The following HPSE2 variants were observed in gnomAD, a reference collection of about 807,000 sequenced individuals.
The protein encoded by HPSE2 is inactive heparanase-2.
In HPSE2, 38 loss-of-function variants were observed where a neutral mutation model predicts 60.5. The observed-to-expected ratio is 0.63, with a 90% CI of 0.48 to 0.82. The LOEUF is 0.82. HPSE2 is among the 40% of genes least tolerant of loss of function. HPSE2 has a pLI of 0.00. For missense variants in HPSE2, 713 were observed against 740.4 expected (o/e 0.96, Z 0.43); for synonymous variants, 295 against 293.2 (o/e 1.01, Z -0.06).
At chr10:98,728,841 C>T (rs1035460537) in intron 4 of HPSE2, among the ~76,000 whole-genome samples, 14 of 151,830 alleles carry the variant, frequency 9.2e-5, no homozygotes, top group Non-Finnish European at 1.8e-4. Flanking sequence ...AACCCCATGT[C>T]TACGAAAAAT....
chr10:98,473,213 G>A lies in HPSE2; in HGVS notation c.1613+9423C>T, dbSNP rs190307089. Among the ~76,000 whole-genome samples, 18 of 152,164 alleles carry A rather than the reference G, an allele frequency of 1.2e-4. No homozygotes were observed. The East Asian group carries it at 2.7e-3, about 23-fold the overall frequency. Reference sequence around the variant, plus strand: ...AGAAAATTGAAAGGTGGTCAGGCGCGGTGGCTCATGTCTATAGTCCTAGCA... The same window carrying A: ...AGAAAATTGAAAGGTGGTCAGGCGCAGTGGCTCATGTCTATAGTCCTAGCA... On this transcript the variant is annotated intron_variant, in intron 11 of 11. Transcript: ENST00000370552.
At chr10:99,270,510 A>G in the HPSE2 span, among the ~76,000 whole-genome samples, 88 of 151,918 alleles carry the variant, frequency 5.8e-4, no homozygotes, top group Admixed American at 1.8e-3. Flanking sequence ...AATTGTCAAC[A>G]AAAAAAAGTC....
chr10:98,802,040 T>C (rs1370394340), intron 3 of HPSE2, among the ~76,000 whole-genome samples: 1 of 148,354 alleles, frequency 6.7e-6, no homozygotes, highest in Non-Finnish European at 1.5e-5. Context: ...TCCACACATC[T>C]ATAGTGAACT....
intron 2 of HPSE2, among the ~76,000 whole-genome samples, chr10:99,193,354 A>C (rs1265304483): frequency 6.6e-6 from 1 of 152,140 alleles, no homozygotes; most frequent in Non-Finnish European, 1.5e-5. Flanking sequence ...AGACAGGAAG[A>C]AGGAAAGAAG....
At chr10:99,057,651 C>G (rs1214878467) in intron 3 of HPSE2, among the ~76,000 whole-genome samples, 2 of 152,188 alleles carry the variant, frequency 1.3e-5, no homozygotes. Context: ...CAGGTCCAAT[C>G]CAGAAGCAGT....
In HPSE2 at chr10:98,475,414, C is replaced by T. The variant is rs1940968265; in HGVS notation, c.1613+7222G>A. Among the ~76,000 whole-genome samples, 3 of 152,092 alleles carry T rather than the reference C, an allele frequency of 2.0e-5. No homozygotes were observed. In the South Asian group the frequency reaches 6.2e-4, roughly 32 times the overall value. ...GATTACAGGCGTGAGCCACCGTGCC[C>T]AGCCCGGGACCATAATTCTTTTAAA... On this transcript the variant is annotated intron_variant, in intron 11 of 11. Transcript: ENST00000370552.
chr10:99,177,772 T>C lies in HPSE2; in HGVS notation c.449-33373A>G, dbSNP rs532354936. Among the ~76,000 whole-genome samples the C allele has an allele frequency of 4.3e-4, 66 of 152,320 alleles. 1 individual carries two copies. Among genetic ancestry groups the C allele is most frequent in the Admixed American group, 2.5e-3 (38 of 15,294 alleles). On this transcript the variant is annotated intron_variant, in intron 2 of 11. Transcript: ENST00000370552. ...GAACTCAGCTCTGGACCAAGCGACCTGATAGACATCTACAGAACTCTCCGC... is the reference window on the plus strand; with the variant it reads ...GAACTCAGCTCTGGACCAAGCGACCCGATAGACATCTACAGAACTCTCCGC...
At chr10:98,999,156 CGTGTGTGTGTGTGTGTGT>C (rs55879808) in intron 3 of HPSE2, among the ~76,000 whole-genome samples, 1 of 137,572 alleles carries the variant, frequency 7.3e-6, no homozygotes. Context: ...GTATAGACTA[CGTGTGTGTGTGTGTGTGT>C]GTGTGTGTGT....
intron 3 of HPSE2, among the ~76,000 whole-genome samples, chr10:99,093,745 T>C: frequency 6.6e-6 from 1 of 152,186 alleles, no homozygotes; most frequent in East Asian, 1.9e-4. Context: ...CCAACATTGT[T>C]GCATCGGGAT....
At chr10:98,691,513 A>G (rs1215506738) in intron 6 of HPSE2, among the ~76,000 whole-genome samples, 1 of 152,256 alleles carries the variant, frequency 6.6e-6, no homozygotes, top group Non-Finnish European at 1.5e-5. Flanking sequence ...TGTCAGCCAT[A>G]ATAATTAAAG....
chr10:98,819,421 C>T (rs199803594), intron 3 of HPSE2, among the ~76,000 whole-genome samples: 38 of 136,302 alleles, frequency 2.8e-4, no homozygotes, highest in Admixed American at 3.0e-4. Flanking sequence ...TACAATCATT[C>T]TTTTTTTTTT....
At chr10:98,905,507 T>C (rs1209587418) in intron 3 of HPSE2, among the ~76,000 whole-genome samples, 1 of 152,170 alleles carries the variant, frequency 6.6e-6, no homozygotes, top group African/African-American at 2.4e-5. Context: ...ACATTTTATT[T>C]AGTAACCTAG....
chr10:98,596,756 C>T (rs1554949264), intron 9 of HPSE2, among the ~76,000 whole-genome samples: 1 of 151,954 alleles, frequency 6.6e-6, no homozygotes, highest in Non-Finnish European at 1.5e-5. Context: ...CGATTTGCTT[C>T]TTTTTTCTTG....
chr10:98,761,393 CTCG>C (rs1950001374), intron 3 of HPSE2, among the ~76,000 whole-genome samples: 1 of 152,026 alleles, frequency 6.6e-6, no homozygotes, highest in Non-Finnish European at 1.5e-5. Context: ...TACTTCTGTT[CTCG>C]TCTTTATTAT....
chr10:99,135,899 C>A (rs1214887651), intron 3 of HPSE2, among the ~76,000 whole-genome samples: 1 of 151,794 alleles, frequency 6.6e-6, no homozygotes, highest in South Asian at 2.1e-4. Context: ...CAGAGCAGAA[C>A]TGAGGGAGAT....
At chr10:99,071,128 G>A (rs1219512512) in intron 3 of HPSE2, among the ~76,000 whole-genome samples, 2 of 150,284 alleles carry the variant, frequency 1.3e-5, no homozygotes, top group Non-Finnish European at 3.0e-5. Context: ...GAAGTGCAGA[G>A]GCATGATCTC....
chr10:98,936,015 T>C (rs1954779343), intron 3 of HPSE2, among the ~76,000 whole-genome samples: 1 of 144,400 alleles, frequency 6.9e-6, no homozygotes, highest in South Asian at 2.1e-4. Flanking sequence ...TGAGGGGGTA[T>C]CTAGAGAAGT....
chr10:98,595,528 C>T (rs549916691), intron 9 of HPSE2, among the ~76,000 whole-genome samples: 46 of 152,156 alleles, frequency 3.0e-4, no homozygotes, highest in African/African-American at 1.1e-3. Context: ...TATTAATATG[C>T]TACTATTTTT....
chr10:98,807,925 C>G (rs1377285147), intron 3 of HPSE2, among the ~76,000 whole-genome samples: 1 of 152,128 alleles, frequency 6.6e-6, no homozygotes. Context: ...GATGGAGTCA[C>G]TGTGAAGGAC....
Sources: allele counts gnomAD v4.1 joint callset (sites outside exome capture counted in the v4.1 genomes callset), GRCh38; gene constraint gnomAD v4.1.1; transcripts MANE v1.5; gene names NCBI Gene and HGNC (gene_info 2026-07-23, HGNC 2026-07-21).